Variants in MACO1 observed in about 807,000 individuals in gnomAD.
The protein encoded by MACO1 is macoilin 1.
MACO1 carries 14 observed loss-of-function variants against 78.7 expected under a neutral mutation model. The observed-to-expected ratio is 0.18, with a 90% CI of 0.12 to 0.28. The LOEUF is 0.28. MACO1 is among the 10% of genes least tolerant of loss of function. MACO1 has a pLI of 1.00. For missense variants in MACO1, 501 were observed against 799.0 expected (o/e 0.63, Z 4.50); for synonymous variants, 288 against 291.6 (o/e 0.99, Z 0.12).
At position 25,495,401 on chromosome 1, in the gene MACO1, A is replaced by T. The variant is rs115982409; in HGVS notation, c.1793-2863A>T. 9.2e-3 allele frequency among the ~76,000 whole-genome samples: 1,405 copies of T among 152,264 alleles called. 20 individuals are homozygous for T. Among genetic ancestry groups the T allele is most frequent in the African/African-American group, 0.031 (1,286 of 41,542 alleles). ...GGGAAAAAGATACAGTGGCTTATAT[A>T]TCAGATGCTTTTAGGTATTTTATTC... is the stretch of plus-strand genomic sequence containing the variant. On this transcript the variant is annotated intron_variant, in intron 10 of 10. Coordinates refer to ENST00000374343, the MANE Select transcript of MACO1 (RefSeq NM_018202.6).
intron 10 of MACO1, among the ~76,000 whole-genome samples, chr1:25,495,302 G>A (rs1364671029): frequency 6.6e-6 from 1 of 152,176 alleles, no homozygotes; most frequent in Non-Finnish European, 1.5e-5. Flanking sequence ...TGACAAAGAA[G>A]CCAAAAGAAC....
At chr1:25,438,713 GCC>G (rs1404515635) in intron 1 of MACO1, among the ~76,000 whole-genome samples, 2 of 152,164 alleles carry the variant, frequency 1.3e-5, no homozygotes, top group Non-Finnish European at 2.9e-5. Flanking sequence ...GACCAGCCTG[GCC>G]AACGTGGCGA....
intron 6 of MACO1, among the ~76,000 whole-genome samples, chr1:25,483,590 T>C (rs1220089966): frequency 1.3e-5 from 2 of 152,140 alleles, no homozygotes; most frequent in African/African-American, 4.8e-5. Flanking sequence ...ATCACCAGAG[T>C]TGTGAACGTC....
intron 1 of MACO1, among the ~76,000 whole-genome samples, chr1:25,438,547 A>G (rs1422974303): frequency 6.6e-6 from 1 of 152,242 alleles, no homozygotes; most frequent in Non-Finnish European, 1.5e-5. Flanking sequence ...TGCAGAGAAC[A>G]GTGTAAATTC....
chr1:25,449,533 T>TA (rs59477380), intron 3 of MACO1, among the ~76,000 whole-genome samples: 1 of 152,204 alleles, frequency 6.6e-6, no homozygotes, highest in South Asian at 2.1e-4. Context: ...ATTTCTTTTT[T>TA]AAAAATTTCT....
In MACO1 at chr1:25,462,288, C is replaced by T. The variant is rs75313981; in HGVS notation, c.1154+3396C>T. On this transcript the variant is annotated intron_variant, in intron 6 of 10. Transcript: ENST00000374343. The stretch of plus-strand genomic sequence containing the variant: ...TGCTTTAGCGATAAAACTGATCTCT[C>T]CTTTTTTTTTTAATTTTAGATTTAG... Among the ~76,000 whole-genome samples, 7 of 152,118 alleles carry T rather than the reference C, an allele frequency of 4.6e-5. No individual in the cohort carries two copies. In the East Asian group the frequency reaches 1.4e-3, roughly 29 times the overall value.
At chr1:25,450,889 A>G (rs887600584) in intron 3 of MACO1, among the ~76,000 whole-genome samples, 1 of 152,222 alleles carries the variant, frequency 6.6e-6, no homozygotes. Context: ...AATAATGGCT[A>G]AAGAACCTTC....
intron 7 of MACO1, among the ~76,000 whole-genome samples, chr1:25,484,842 G>T (rs1344586629): frequency 6.6e-6 from 1 of 152,052 alleles, no homozygotes; most frequent in East Asian, 1.9e-4. Context: ...ATCATTACAG[G>T]CTGTTGGCTT....
At chr1:25,448,662 A>G in intron 2 of MACO1, 146 bp from the exon 3 acceptor site, 1 of 630,330 alleles carries the variant, frequency 1.6e-6, no homozygotes. Flanking sequence ...AAATGTTTAA[A>G]ATTTCCTTTT....
At chr1:25,465,929 C>T (rs1443232690) in intron 6 of MACO1, among the ~76,000 whole-genome samples, 3 of 152,204 alleles carry the variant, frequency 2.0e-5, no homozygotes, top group Admixed American at 6.5e-5. Context: ...CATGTTGCTG[C>T]AAAAGACATA....
At chr1:25,489,335 C>T in intron 9 of MACO1, 42 bp downstream of exon 9, 1 of 1,605,078 alleles carries the variant, frequency 6.2e-7, no homozygotes, top group Non-Finnish European at 8.5e-7. Context: ...TTGAATTCCA[C>T]TTTTATGCTA....
intron 5 of MACO1, 94 bp downstream of exon 5, chr1:25,456,925 TG>T (rs2043126914): frequency 7.6e-7 from 1 of 1,315,836 alleles, no homozygotes; most frequent in South Asian, 1.6e-5. Context: ...GCTAGGATTT[TG>T]TTTTTTTCTG....
At chr1:25,452,686 T>C (rs1334994747) in intron 3 of MACO1, among the ~76,000 whole-genome samples, 4 of 151,308 alleles carry the variant, frequency 2.6e-5, no homozygotes, top group African/African-American at 7.4e-5. Flanking sequence ...GCAAATAATA[T>C]TACGGTGAAT....
intron 1 of MACO1, among the ~76,000 whole-genome samples, chr1:25,445,758 AC>A (rs1396234885): frequency 6.6e-6 from 1 of 152,150 alleles, no homozygotes; most frequent in Middle Eastern, 3.2e-3. Context: ...ATTACAAAAT[AC>A]CGTGCAAGGC....
At chr1:25,432,493 G>A (rs1417728236) in intron 1 of MACO1, among the ~76,000 whole-genome samples, 1 of 152,214 alleles carries the variant, frequency 6.6e-6, no homozygotes, top group Non-Finnish European at 1.5e-5. Context: ...AATCAGTGAA[G>A]ATAGAGCAGT....
intron 1 of MACO1, among the ~76,000 whole-genome samples, chr1:25,438,166 G>T (rs1180694404): frequency 6.6e-6 from 1 of 152,108 alleles, no homozygotes; most frequent in African/African-American, 2.4e-5. Context: ...TCTGTTTCAA[G>T]AATACTTTTA....
At chr1:25,493,648 A>T (rs1452108562) in intron 10 of MACO1, among the ~76,000 whole-genome samples, 1 of 152,122 alleles carries the variant, frequency 6.6e-6, no homozygotes, top group Admixed American at 6.5e-5. Flanking sequence ...AAAACAAAAA[A>T]AAATTCCTGA....
chr1:25,431,119 C>G lies in MACO1; in HGVS notation c.21C>G (p.Asp7Glu). The G allele has an allele frequency of 1.3e-6, 2 of 1,595,816 alleles. No homozygotes were observed. The highest frequency in any genetic ancestry group is 1.7e-6 in the Non-Finnish European group (2 of 1,173,580). The part of the protein sequence containing the change: MKRRNA[D>E]CSKLRRPLKR... ...GGAGGATGAAGCGGCGGAACGCCGA[C>G]TGCAGTAAGCTCCGCCGCCCCCTAA... Residue 7 changes from aspartate to glutamate, a missense_variant, in exon 1 of 11, where the codon GAC becomes GAG. Transcript: ENST00000374343.
At chr1:25,466,985 ACGGTGGTT>A (rs1235724557) in intron 6 of MACO1, among the ~76,000 whole-genome samples, 2 of 152,148 alleles carry the variant, frequency 1.3e-5, no homozygotes, top group Non-Finnish European at 2.9e-5. Context: ...TCGGCCGGGC[ACGGTGGTT>A]CACGTCCATA....
Sources: allele counts gnomAD v4.1 joint callset (sites outside exome capture counted in the v4.1 genomes callset), GRCh38; gene constraint gnomAD v4.1.1; transcripts MANE v1.5; gene names NCBI Gene and HGNC (gene_info 2026-07-23, HGNC 2026-07-21).